Variants in PIGS observed in about 807,000 individuals in gnomAD.
The protein encoded by PIGS is GPI-anchor transamidase component PIGS.
In PIGS, 37 loss-of-function variants were observed where a neutral mutation model predicts 58.2. The observed-to-expected ratio is 0.64, with a 90% CI of 0.49 to 0.84. PIGS has a LOEUF of 0.84. Among genes scored for constraint, PIGS ranks in the 40% least tolerant of loss-of-function variants. The pLI is 0.00. For missense variants in PIGS, 629 were observed against 710.8 expected, an observed-to-expected ratio of 0.88 and a Z score of 1.31; for synonymous variants, 269 against 289.2, an observed-to-expected ratio of 0.93 and a Z score of 0.71.
chr17:28,558,161 C>T (rs951328432), intron 8 of PIGS, among the ~76,000 whole-genome samples: 8 of 152,014 alleles, frequency 5.3e-5, no homozygotes, highest in African/African-American at 1.9e-4. Context: ...TGAAAATTAG[C>T]CAAGTGTAGT....
At chr17:28,557,581 T>C (rs2070338971) in intron 8 of PIGS, 1 of 152,398 alleles carries the variant, frequency 6.6e-6, no homozygotes, top group Non-Finnish European at 1.5e-5. Context: ...CCTCAGTCAA[T>C]GTTTGCTGAA....
chr17:28,568,758 A>C (rs2151514637), intron 3 of PIGS, among the ~76,000 whole-genome samples: 1 of 152,320 alleles, frequency 6.6e-6, no homozygotes, highest in East Asian at 1.9e-4. Flanking sequence ...AAACAATCAA[A>C]TTTCAAACTA....
intron 5 of PIGS, 129 bp from the exon 6 acceptor site, chr17:28,561,758 A>G: frequency 2.5e-6 from 2 of 815,540 alleles, no homozygotes; most frequent in Admixed American, 2.6e-5. Flanking sequence ...CTTGAGATTC[A>G]TGAGCTATTA....
chr17:28,560,759 C>T lies in PIGS; in HGVS notation c.677-568G>A, dbSNP rs564846271. Reference sequence around the variant, plus strand: ...CGTCACTGCACTCCAGCCTGGACGACAGGAGGCTCCGTCTCAAAAAAAAAT... The same window carrying T: ...CGTCACTGCACTCCAGCCTGGACGATAGGAGGCTCCGTCTCAAAAAAAAAT... On this transcript the variant is annotated intron_variant, in intron 6 of 11. Transcript: ENST00000308360. Among the ~76,000 whole-genome samples, 6 of 151,926 alleles carry T rather than the reference C, an allele frequency of 3.9e-5. No homozygotes were observed. The South Asian group carries it at 1.2e-3, about 32-fold the overall frequency.
At chr17:28,554,561 G>A (rs965664831) in intron 11 of PIGS, 66 bp from the exon 12 acceptor site, 1 of 1,520,216 alleles carries the variant, frequency 6.6e-7, no homozygotes. Context: ...AGGGTGCTGG[G>A]CCTTACTGTG....
chr17:28,561,013 T>C (rs548538461), intron 6 of PIGS, among the ~76,000 whole-genome samples: 2 of 151,828 alleles, frequency 1.3e-5, no homozygotes, highest in East Asian at 1.9e-4. Context: ...ATCCCAGCAC[T>C]TTGGGAAGCC....
In PIGS at chr17:28,556,156, A is replaced by C. The variant is rs2070326009; in HGVS notation, c.1181+10T>G. ...GACTATGTCCCCAAGTGGATCATCC[A>C]GGACCTCACCGCAACTGTGCCAGGA... On this transcript the variant is annotated intron_variant, in intron 10 of 11. Transcript: ENST00000308360. 1 of 1,605,944 alleles carries C rather than the reference A, an allele frequency of 6.2e-7. No individual in the cohort carries two copies. Among genetic ancestry groups the C allele is most frequent in the African/African-American group, 1.3e-5 (1 of 74,694 alleles).
rs563857183 is a variant in PIGS at position 28,560,419 on chromosome 17, G to A, written c.677-228C>T. 19 of 487,662 alleles carry A rather than the reference G, an allele frequency of 3.9e-5. 1 individual carries two copies. The South Asian group carries it at 4.1e-4, about 10-fold the overall frequency. 30.2% of individuals were successfully genotyped at this position (487,662 alleles called of 1,614,324 possible). A position where few individuals can be genotyped will look rare whatever the true frequency, so the allele number is the denominator to read the frequency against. On this transcript the variant is annotated intron_variant, in intron 6 of 11. Transcript: ENST00000308360. ...AGCACTTTGGGAGACTGAGGCAGACGGATCACTTGAGGCCAGCACTTCAAG... is the reference window on the plus strand; with the variant it reads ...AGCACTTTGGGAGACTGAGGCAGACAGATCACTTGAGGCCAGCACTTCAAG...
At chr17:28,554,579 T>C in intron 11 of PIGS, 84 bp from the exon 12 acceptor site, 1 of 1,478,054 alleles carries the variant, frequency 6.8e-7, no homozygotes, top group Admixed American at 1.8e-5. Flanking sequence ...GTGCCTTCCA[T>C]CTACCAAGGA....
At chr17:28,564,351 T>G (rs1468557164) in intron 3 of PIGS, among the ~76,000 whole-genome samples, 3 of 152,136 alleles carry the variant, frequency 2.0e-5, no homozygotes, top group Non-Finnish European at 4.4e-5. Context: ...GCGGATCCCT[T>G]GATCTCATGA....
chr17:28,563,487 C>G lies in PIGS; in HGVS notation c.412G>C (p.Ala138Pro). The part of the protein sequence containing the change: ...EAMLDEPQEQ[A>P]EGSLTVYVIS... ...ACGTACACAGTCAGGGAGCCCTCCG[C>G]TTGTTCCTGAGGCTCATCTAACATG... The change falls in exon 5 of 12, where the codon GCG becomes CCG. Residue 138 changes from alanine to proline, a missense_variant. Transcript: ENST00000308360. 1 of 1,614,084 alleles carries G rather than the reference C, an allele frequency of 6.2e-7. No individual in the cohort carries two copies.
chr17:28,561,545 G>A lies in PIGS; in HGVS notation c.553C>T (p.Arg185Cys), dbSNP rs143746801. 5.2e-3 allele frequency: 8,355 copies of A among 1,613,942 alleles called. 30 individuals are homozygous for A. The highest frequency in any genetic ancestry group is 7.3e-3 in the Admixed American group (441 of 60,010). ...ATGGCCTGGGCCACCTGGACTATGC[G>A]GCGGCCAATGATGTTAAAGGCCTCC... ...HREAFNIIGRRIVQVAQAMSL... is the reference protein window; with the variant it reads ...HREAFNIIGRCIVQVAQAMSL... Residue 185 changes from arginine (R) to cysteine (C), a missense_variant, in exon 6 of 12, where the codon CGC (arginine) becomes TGC (cysteine). Physicochemically the swap from Arg to Cys is radical, Grantham distance 180. Transcript: ENST00000308360.
intron 5 of PIGS, chr17:28,561,866 T>C: frequency 2.3e-6 from 1 of 442,682 alleles, no homozygotes; most frequent in Non-Finnish European, 4.0e-6. Context: ...AGCATCTAAC[T>C]CTTCAGGGGC....
rs2070375207 is a variant in PIGS, at chr17:28,563,357, T to C, written c.468+74A>G. The C allele has an allele frequency of 3.2e-6, 4 of 1,261,440 alleles. No individual in the cohort carries two copies. The African/African-American group carries it at 4.5e-5, about 14-fold the overall frequency. The allele number at this position is 1,261,440 out of a possible 1,614,324, so 78.1% of individuals were successfully genotyped here. On this transcript the variant is annotated intron_variant, in intron 5 of 11. Coordinates refer to ENST00000308360, the MANE Select transcript of PIGS (RefSeq NM_033198.4). ...AAATGGAAGAAATGGGTAGCAATGATGCAAGAAGGAGGTGACCCAGGAGTC... is the reference window on the plus strand; with the variant it reads ...AAATGGAAGAAATGGGTAGCAATGACGCAAGAAGGAGGTGACCCAGGAGTC...
rs2070315254 is a variant in PIGS at position 28,554,787 on chromosome 17, C to T, written c.1392+64G>A. On this transcript the variant is annotated intron_variant, in intron 11 of 11. Transcript: ENST00000308360. ...GACCTCACAGGCTCTCTGGTCTCAC[C>T]ACACTCTGGCCCTCTCTGGCTACTC... 1.1e-5 allele frequency: 18 copies of T among 1,587,098 alleles called. No individual in the cohort carries two copies. In the South Asian group the frequency reaches 1.9e-4, roughly 17 times the overall value.
intron 8 of PIGS, among the ~76,000 whole-genome samples, 167 bp downstream of exon 8, chr17:28,558,309 A>G (rs1249658427): frequency 6.6e-6 from 1 of 152,190 alleles, no homozygotes; most frequent in African/African-American, 2.4e-5. Flanking sequence ...TTGTCTCAAA[A>G]AAAGAAAAAA....
At chr17:28,569,363 A>G in intron 3 of PIGS, among the ~76,000 whole-genome samples, 1 of 151,032 alleles carries the variant, frequency 6.6e-6, no homozygotes, top group Non-Finnish European at 1.5e-5. Flanking sequence ...CCAGCTATTA[A>G]GGCAGGTGGG....
At chr17:28,557,335 A>C in intron 8 of PIGS, 3 of 232,720 alleles carry the variant, frequency 1.3e-5, no homozygotes, top group Non-Finnish European at 2.5e-5. Flanking sequence ...ATATCCCTCA[A>C]TCACTAGCCA....
At position 28,553,979 on chromosome 17, in the gene PIGS, A is replaced by C. The variant is rs2070307538; in HGVS notation, c.*241T>G. Reference sequence around the variant, plus strand: ...AGCAGCCTTATCAAACAAGATAAGGAGACCCGGATGATGTGCCTTTTGAGG... The same window carrying C: ...AGCAGCCTTATCAAACAAGATAAGGCGACCCGGATGATGTGCCTTTTGAGG... On this transcript the variant is annotated 3_prime_UTR_variant, in exon 12 of 12. Transcript: ENST00000308360. 2 of 550,664 alleles carry C rather than the reference A, an allele frequency of 3.6e-6. No individual in the cohort carries two copies. The highest frequency in any genetic ancestry group is 4.3e-5 in the South Asian group (2 of 47,056). 34.1% of individuals were successfully genotyped at this position (550,664 alleles called of 1,614,324 possible).
Sources: allele counts gnomAD v4.1 joint callset (sites outside exome capture counted in the v4.1 genomes callset), GRCh38; gene constraint gnomAD v4.1.1; transcripts MANE v1.5; gene names NCBI Gene and HGNC (gene_info 2026-07-23, HGNC 2026-07-21).